Variants in CSF2RA observed in about 807,000 individuals in gnomAD.
The protein encoded by CSF2RA is colony stimulating factor 2 receptor subunit alpha, also known as granulocyte-macrophage colony-stimulating factor receptor subunit alpha.
In CSF2RA, 42 loss-of-function variants were observed where a neutral mutation model predicts 51.6. The observed-to-expected ratio is 0.81, with a 90% CI of 0.64 to 1.05. The LOEUF is 1.05. Ranked by LOEUF, CSF2RA falls within the 50% of genes least tolerant of loss-of-function variation. CSF2RA has a pLI of 0.00. For missense variants in CSF2RA, 530 were observed against 501.1 expected, an observed-to-expected ratio of 1.06 and a Z score of -0.55; for synonymous variants, 222 against 193.0, an observed-to-expected ratio of 1.15 and a Z score of -1.24.
rs372367431 is a variant in CSF2RA, at chrX:1,288,835, G to C, written c.420G>C (p.Arg140Ser). ...ATTTAATGAACTGTACCTGGGCGAG[G>C]GGTCCGACGGCCCCCCGTGACGTCC... ...NADLMNCTWA[R>S]GPTAPRDVQY... Residue 140 changes from arginine to serine, a missense_variant, in exon 6 of 13, where the codon AGG (arginine) becomes AGC (serine). Physicochemically the swap from Arg to Ser is moderately radical, Grantham distance 110. Transcript: ENST00000381529. 8.1e-6 allele frequency: 13 copies of C among 1,613,796 alleles called. No homozygotes were observed. The highest frequency in any genetic ancestry group is 8.0e-5 in the African/African-American group (6 of 74,896).
chrX:1,269,416 T>A (rs1204355380), intron 1 of CSF2RA, among the ~76,000 whole-genome samples: 2 of 150,842 alleles, frequency 1.3e-5, no homozygotes, highest in African/African-American at 4.9e-5. Flanking sequence ...AGGTCGACAG[T>A]TCGAGACCAT....
At chrX:1,287,139 A>C (rs2090776750) in intron 4 of CSF2RA, 1 of 149,506 alleles carries the variant, frequency 6.7e-6, no homozygotes, top group Admixed American at 6.7e-5. Flanking sequence ...GTTACCCCAG[A>C]TGACATACTT....
chrX:1,313,803 A>G (rs2084288038), downstream of CSF2RA, among the ~76,000 whole-genome samples: 1 of 151,986 alleles, frequency 6.6e-6, no homozygotes, highest in Non-Finnish European at 1.5e-5. Flanking sequence ...AGCCTGGCTA[A>G]CATGGTGAAA....
In CSF2RA at chrX:1,294,470, G is replaced by C. The variant is rs1370088187; in HGVS notation, c.780+9G>C. On this transcript the variant is annotated intron_variant, in intron 8 of 12. Coordinates refer to ENST00000381529, the MANE Select transcript of CSF2RA (RefSeq NM_172245.4). ...TGGACGTCCACAGAAAGGTCGGTGA[G>C]AGCTCCCCGGGGCTGGGCACCAGGA... The C allele has an allele frequency of 1.9e-6, 3 of 1,613,744 alleles. No individual in the cohort carries two copies. Among genetic ancestry groups the C allele is most frequent in the Non-Finnish European group, 2.5e-6 (3 of 1,179,860 alleles).
downstream of CSF2RA, among the ~76,000 whole-genome samples, chrX:1,314,859 C>T (rs1274700879): frequency 2.9e-5 from 3 of 103,682 alleles, no homozygotes; most frequent in African/African-American, 1.1e-4. Flanking sequence ...TCCCACTGCA[C>T]CTGCCCAACC....
chrX:1,309,882 C>A lies in CSF2RA; in HGVS notation c.*403C>A. ...CAACCTGCGTGACAGAGCAAGATTGCATCTCAAAACAAACAATAATAATAA... is the reference window on the plus strand; with the variant it reads ...CAACCTGCGTGACAGAGCAAGATTGAATCTCAAAACAAACAATAATAATAA... On this transcript the variant is annotated 3_prime_UTR_variant, in exon 13 of 13. Transcript: ENST00000381529. 3 of 583,032 alleles carry A rather than the reference C, an allele frequency of 5.1e-6. No individual in the cohort carries two copies. 36.1% of individuals were successfully genotyped at this position (583,032 alleles called of 1,614,324 possible).
intron 3 of CSF2RA, among the ~76,000 whole-genome samples, chrX:1,284,137 A>C (rs769987585): frequency 6.9e-6 from 1 of 145,668 alleles, no homozygotes; most frequent in Non-Finnish European, 1.5e-5. Flanking sequence ...GAGCCACATC[A>C]CTCTGGATAA....
chrX:1,314,585 C>G (rs113928233), downstream of CSF2RA, among the ~76,000 whole-genome samples: 450 of 18,034 alleles, frequency 0.025, 57 homozygotes, highest in African/African-American at 0.072. Context: ...CTGCCCAACC[C>G]CACTGCACCT....
rs763260417 is a variant in CSF2RA, at chrX:1,280,345, C to T, written c.-26-2333C>T. Reference sequence around the variant, plus strand: ...AATTAGCCTGGCATAATGGCGGGCGCCTATAATCCCAGCTACTTGGGAGGC... The same window carrying T: ...AATTAGCCTGGCATAATGGCGGGCGTCTATAATCCCAGCTACTTGGGAGGC... On this transcript the variant is annotated intron_variant, in intron 2 of 12. Transcript: ENST00000381529. Among the ~76,000 whole-genome samples, 503 of 151,826 alleles carry T rather than the reference C, an allele frequency of 3.3e-3. 2 individuals carry two copies. Among genetic ancestry groups the T allele is most frequent in the African/African-American group, 0.012 (482 of 41,468 alleles).
chrX:1,294,466 G>A lies in CSF2RA; in HGVS notation c.780+5G>A. 3 of 1,613,806 alleles carry A rather than the reference G, an allele frequency of 1.9e-6. No homozygotes were observed. The highest frequency in any genetic ancestry group is 2.5e-6 in the Non-Finnish European group (3 of 1,179,864). ...CAGCTGGACGTCCACAGAAAGGTCG[G>A]TGAGAGCTCCCCGGGGCTGGGCACC... On this transcript the variant is annotated splice_donor_5th_base_variant and intron_variant, in intron 8 of 12. Coordinates refer to ENST00000381529, the MANE Select transcript of CSF2RA (RefSeq NM_172245.4).
intron 4 of CSF2RA, among the ~76,000 whole-genome samples, chrX:1,286,781 C>A (rs187601288): frequency 6.6e-6 from 1 of 152,138 alleles, no homozygotes; most frequent in East Asian, 1.9e-4. Flanking sequence ...GAAGAGAAAT[C>A]CTGGCAAATG....
intron 3 of CSF2RA, among the ~76,000 whole-genome samples, chrX:1,285,429 C>A (rs2090516959): frequency 6.6e-6 from 1 of 151,938 alleles, no homozygotes; most frequent in Admixed American, 6.6e-5. Flanking sequence ...CACGGTGGCT[C>A]ACGCCTGTTA....
the CSF2RA span, among the ~76,000 whole-genome samples, chrX:1,319,918 T>C: frequency 0.28 from 41,959 of 147,288 alleles, 7,232 homozygotes; most frequent in African/African-American, 0.35. Flanking sequence ...TGTTTTGAGA[T>C]GGAGTCTCGC....
the CSF2RA span, among the ~76,000 whole-genome samples, chrX:1,319,593 T>G: frequency 1.3e-5 from 2 of 149,934 alleles, no homozygotes; most frequent in East Asian, 2.0e-4. Flanking sequence ...TAGCCCAAGT[T>G]TTTTGTAGAG....
intron 12 of CSF2RA, 54 bp downstream of exon 12, chrX:1,305,581 G>A: frequency 1.2e-6 from 2 of 1,613,988 alleles, no homozygotes; most frequent in Non-Finnish European, 1.7e-6. Flanking sequence ...GGAGTGGGGA[G>A]CGTGGGACAC....
At position 1,281,165 on chromosome X, in the gene CSF2RA, ACTCCTCCTT is replaced by A. The variant is rs1330363781; in HGVS notation, c.-26-1498_-26-1490del. ...CTCCTCCAGCTCCCCTTCTCCTCCT[ACTCCTCCTT>A]CTCCTCCTTCTCCTTCTCCTCCTTC... On this transcript the variant is annotated intron_variant, in intron 2 of 12. Transcript: ENST00000381529. Among the ~76,000 whole-genome samples the A allele has an allele frequency of 4.2e-4, 11 of 26,112 alleles. 1 individual carries two copies. The highest frequency in any genetic ancestry group is 2.7e-3 in the South Asian group (2 of 742). 17.1% of individuals were successfully genotyped at this position (26,112 alleles called of 152,430 possible).
At chrX:1,314,946 C>A (rs185163219), downstream of CSF2RA, among the ~76,000 whole-genome samples, 1,065 of 94,176 alleles carry the variant, frequency 0.011, 98 homozygotes, top group African/African-American at 0.056. Flanking sequence ...TTGCCCAACC[C>A]CTCTGTGCCT....
chrX:1,290,612 C>A, intron 7 of CSF2RA, 103 bp downstream of exon 7: 1 of 1,212,198 alleles, frequency 8.2e-7, no homozygotes, highest in Non-Finnish European at 1.2e-6. Context: ...CACCTGTAAT[C>A]TCAGCACTTT....
At chrX:1,299,219 ACTGT>A (rs1445101240) in intron 9 of CSF2RA, among the ~76,000 whole-genome samples, 2 of 152,042 alleles carry the variant, frequency 1.3e-5, no homozygotes, top group Non-Finnish European at 2.9e-5. Flanking sequence ...TATTCTAGTG[ACTGT>A]CTAAGGAGAT....
Sources: gnomAD v4.1 joint callset for allele counts (sites outside exome capture counted in the v4.1 genomes callset) on GRCh38, gnomAD v4.1.1 for gene constraint, MANE v1.5 for transcripts, NCBI Gene and HGNC (gene_info 2026-07-23, HGNC 2026-07-21) for gene names.